The following ANKDD1B variants were observed in gnomAD, a reference collection of about 807,000 sequenced individuals.
ANKDD1B encodes ankyrin repeat and death domain-containing protein 1B.
ANKDD1B carries 57 observed loss-of-function variants against 59.7 expected under a neutral mutation model. The ratio of observed to expected loss-of-function variants is 0.95; its 90% CI spans 0.77 to 1.19. The LOEUF (loss-of-function observed/expected upper bound fraction) is 1.19. ANKDD1B is among the 50% of genes most tolerant of loss of function. The probability of loss-of-function intolerance (pLI) is 0.00; values close to 1 mark genes in which losing one functional copy is unlikely to be tolerated. For synonymous variants in ANKDD1B, 216 were observed against 239.5 expected, an observed-to-expected ratio of 0.90 and a Z score of 0.91; for missense variants, 602 against 641.9, an observed-to-expected ratio of 0.94 and a Z score of 0.67.
intron 7 of ANKDD1B, among the ~76,000 whole-genome samples, chr5:75,645,065 C>A (rs1409227270): frequency 9.1e-5 from 12 of 131,464 alleles, no homozygotes; most frequent in Non-Finnish European, 1.6e-4. Context: ...ACAAAGACAC[C>A]ACATACCAGA....
intron 12 of ANKDD1B, among the ~76,000 whole-genome samples, chr5:75,668,349 G>A (rs1482141271): frequency 6.6e-6 from 1 of 152,148 alleles, no homozygotes; most frequent in Non-Finnish European, 1.5e-5. Flanking sequence ...TACTGGCACT[G>A]GGGAGTTTGT....
rs55640131 is a variant in ANKDD1B at position 75,637,240 on chromosome 5, C to CAAAAAAAAAAAAAAAAAA, written c.798+1374_798+1391dup. On this transcript the variant is annotated intron_variant, in intron 7 of 13. Coordinates refer to ENST00000601380, the MANE Select transcript of ANKDD1B (RefSeq NM_001276713.2). ...AGCCTGGGCGACAGAGACTCTGTCT[C>CAAAAAAAAAAAAAAAAAA]AAAAAAAAAAAAAAAAAAAAAAAAA... Among the ~76,000 whole-genome samples the CAAAAAAAAAAAAAAAAAA allele has an allele frequency of 1.4e-3, 97 of 69,934 alleles. 1 individual carries two copies. Among genetic ancestry groups the CAAAAAAAAAAAAAAAAAA allele is most frequent in the Admixed American group, 2.4e-3 (14 of 5,750 alleles). The allele number at this position is 69,934 out of a possible 152,430, so 45.9% of individuals were successfully genotyped here.
intron 5 of ANKDD1B, among the ~76,000 whole-genome samples, chr5:75,630,597 G>T (rs2112972527): frequency 6.6e-6 from 1 of 152,316 alleles, no homozygotes; most frequent in Non-Finnish European, 1.5e-5. Flanking sequence ...GCAACCACGG[G>T]TAAAAGAAAA....
chr5:75,662,966 T>C (rs1230719422), intron 10 of ANKDD1B, among the ~76,000 whole-genome samples: 1 of 152,178 alleles, frequency 6.6e-6, no homozygotes. Context: ...ACATGGCTTC[T>C]ACTTCCTGGT....
intron 7 of ANKDD1B, among the ~76,000 whole-genome samples, chr5:75,640,918 G>A (rs1309385185): frequency 6.6e-6 from 1 of 152,126 alleles, no homozygotes; most frequent in African/African-American, 2.4e-5. Flanking sequence ...TTTGGGGAAG[G>A]AATAATTGAA....
chr5:75,637,138 G>A (rs1774331723), intron 7 of ANKDD1B, among the ~76,000 whole-genome samples: 1 of 149,884 alleles, frequency 6.7e-6, no homozygotes, highest in Admixed American at 6.7e-5. Context: ...CCTGCTACTC[G>A]GGAGGCTGAG....
chr5:75,665,458 G>A (rs1579980865), intron 11 of ANKDD1B, among the ~76,000 whole-genome samples: 2 of 152,200 alleles, frequency 1.3e-5, no homozygotes, highest in African/African-American at 2.4e-5. Context: ...AGGAGAGAAG[G>A]ACAAAGTGAA....
intron 7 of ANKDD1B, among the ~76,000 whole-genome samples, chr5:75,648,870 G>A (rs1579962223): frequency 6.6e-6 from 1 of 152,218 alleles, no homozygotes; most frequent in African/African-American, 2.4e-5. Flanking sequence ...TTCACCTGCT[G>A]ACACTGAGTC....
intron 1 of ANKDD1B, among the ~76,000 whole-genome samples, chr5:75,614,667 C>T (rs1003211397): frequency 1.3e-5 from 2 of 152,176 alleles, no homozygotes; most frequent in Non-Finnish European, 1.5e-5. Flanking sequence ...CCCAAAGTGA[C>T]ATGCCATCAC....
intron 7 of ANKDD1B, among the ~76,000 whole-genome samples, chr5:75,648,461 AC>A (rs1471554104): frequency 6.6e-6 from 1 of 151,662 alleles, no homozygotes; most frequent in Non-Finnish European, 1.5e-5. Flanking sequence ...ACACTGCCTT[AC>A]CCTTGTCCTT....
chr5:75,635,699 C>T, intron 6 of ANKDD1B, 85 bp from the exon 7 acceptor site: 1 of 850,386 alleles, frequency 1.2e-6, no homozygotes, highest in Non-Finnish European at 1.8e-6. Flanking sequence ...TGAAAACTTC[C>T]AGAAACTCCA....
At chr5:75,651,467 G>A (rs1444383339) in intron 7 of ANKDD1B, among the ~76,000 whole-genome samples, 1 of 152,232 alleles carries the variant, frequency 6.6e-6, no homozygotes, top group African/African-American at 2.4e-5. Context: ...ACTAAGCAAA[G>A]ACAGCTGAGC....
At chr5:75,659,121 C>T (rs1775049455) in intron 9 of ANKDD1B, among the ~76,000 whole-genome samples, 162 bp from the exon 10 acceptor site, 1 of 152,070 alleles carries the variant, frequency 6.6e-6, no homozygotes. Context: ...CATGTAATTT[C>T]CTTTCAGTTT....
chr5:75,625,167 A>G (rs1773956867), intron 3 of ANKDD1B, among the ~76,000 whole-genome samples: 1 of 152,144 alleles, frequency 6.6e-6, no homozygotes, highest in South Asian at 2.1e-4. Context: ...TACTTAAACA[A>G]TAATCATTTC....
chr5:75,664,661 T>C (rs1299324313), intron 11 of ANKDD1B, among the ~76,000 whole-genome samples: 1 of 152,232 alleles, frequency 6.6e-6, no homozygotes, highest in African/African-American at 2.4e-5. Context: ...GTTCTATTTT[T>C]AATTCCTGAT....
In ANKDD1B at chr5:75,666,803, G is replaced by A. The variant is rs767202585; in HGVS notation, c.1203G>A (p.Glu401=). The change falls in exon 12 of 14, where the codon GAG becomes GAA. Residue 401 remains glutamate (E), a synonymous_variant. Transcript: ENST00000601380. The stretch of plus-strand genomic sequence containing the variant: ...TATTTTCACTTTAGGAGCATCATGA[G>A]AGCATCAGGGACCCGTCAACAGGCT... ...RYYAWREEHH[E]SIRDPSTGFT... is the part of the protein sequence containing the mutation. 8.5e-6 allele frequency: 13 copies of A among 1,534,764 alleles called. No homozygotes were observed. The South Asian group carries it at 1.5e-4, about 18-fold the overall frequency.
At chr5:75,611,851 G>A in intron 1 of ANKDD1B, 24 bp downstream of exon 1, 1 of 1,231,668 alleles carries the variant, frequency 8.1e-7, no homozygotes, top group Non-Finnish European at 1.0e-6. Context: ...CGAGGTCTCA[G>A]AAAATCAGGC....
chr5:75,661,415 A>AAAAAAAAAAAAAAAAAAAG (rs1561450258), intron 10 of ANKDD1B, among the ~76,000 whole-genome samples: 1 of 138,410 alleles, frequency 7.2e-6, no homozygotes, highest in East Asian at 2.0e-4. Context: ...AAAAAAAAAA[A>AAAAAAAAAAAAAAAAAAAG]AAAAAAAAAA....
chr5:75,640,074 C>T (rs73124734), intron 7 of ANKDD1B, among the ~76,000 whole-genome samples: 11,466 of 150,872 alleles, frequency 0.076, 1,000 homozygotes, highest in African/African-American at 0.21. Flanking sequence ...GATGAGGTCT[C>T]ACTCTGTTGT....
Sources: gnomAD v4.1 joint callset for allele counts (sites outside exome capture counted in the v4.1 genomes callset) on GRCh38, gnomAD v4.1.1 for gene constraint, MANE v1.5 for transcripts, NCBI Gene and HGNC (gene_info 2026-07-23, HGNC 2026-07-21) for gene names.